The following CLEC4C variants were observed in gnomAD, a reference collection of about 807,000 sequenced individuals.
CLEC4C encodes C-type lectin domain family 4 member C.
CLEC4C carries 17 observed loss-of-function variants against 27.7 expected under a neutral mutation model. The observed-to-expected ratio is 0.61, with a 90% CI of 0.42 to 0.92. The LOEUF is 0.92. Among genes scored for constraint, CLEC4C ranks in the 40% least tolerant of loss-of-function variants. The pLI is 0.00. For missense variants in CLEC4C, 244 were observed against 257.3 expected (o/e 0.95, Z 0.35); for synonymous variants, 80 against 80.8 (o/e 0.99, Z 0.06).
In CLEC4C at chr12:7,729,746, A is replaced by G. The variant is rs147778205; in HGVS notation, c.498-6T>C. 6.2e-7 allele frequency: 1 copy of G among 1,613,510 alleles called. No homozygotes were observed. The highest frequency in any genetic ancestry group is 8.5e-7 in the Non-Finnish European group (1 of 1,179,602). On this transcript the variant is annotated splice_region_variant and splice_polypyrimidine_tract_variant and intron_variant, in intron 5 of 5. Coordinates refer to ENST00000360345, the MANE Select transcript of CLEC4C (RefSeq NM_001371390.1). ...GTTCACCTGAGTGCCAGAATCTGAA[A>G]GGTAGATAAAGGACAGTGGTGTTTT...
At chr12:7,738,967 C>CTG (rs1864791336) in intron 3 of CLEC4C, among the ~76,000 whole-genome samples, 1 of 140,346 alleles carries the variant, frequency 7.1e-6, no homozygotes, top group Non-Finnish European at 1.5e-5. Context: ...CCCCCCTCCC[C>CTG]ACCCCACAAC....
intron 2 of CLEC4C, among the ~76,000 whole-genome samples, chr12:7,742,128 C>T (rs940797088): frequency 1.3e-5 from 2 of 150,836 alleles, no homozygotes; most frequent in Non-Finnish European, 3.0e-5. Flanking sequence ...TGCAGTGAGC[C>T]GAGATCGTGC....
upstream of CLEC4C, among the ~76,000 whole-genome samples, chr12:7,748,328 C>G (rs750000619): frequency 6.6e-6 from 1 of 152,072 alleles, no homozygotes; most frequent in Admixed American, 6.6e-5. Flanking sequence ...GAGATCGAGA[C>G]CATCCTGGCC....
Position 7,741,498 on chromosome 12 carries a change from T to C in CLEC4C, c.158A>G (p.Lys53Arg). The C allele has an allele frequency of 6.2e-7, 1 of 1,611,184 alleles. No homozygotes were observed. Among genetic ancestry groups the C allele is most frequent in the African/African-American group, 1.3e-5 (1 of 74,994 alleles). Residue 53 changes from lysine (K) to arginine (R), a missense_variant, in exon 3 of 6, where the codon AAG becomes AGG. Transcript: ENST00000360345. Reference sequence around the variant, plus strand: ...ATACTCTCGTAACTTGGACAGCCTCTTGACAGTTTTGCTATACATAAAATT... The same window carrying C: ...ATACTCTCGTAACTTGGACAGCCTCCTGACAGTTTTGCTATACATAAAATT... ...PHNFMYSKTVKRLSKLREYQQ... is the reference protein window; with the variant it reads ...PHNFMYSKTVRRLSKLREYQQ...
intron 2 of CLEC4C, among the ~76,000 whole-genome samples, chr12:7,743,518 G>A (rs2120430404): frequency 6.6e-6 from 1 of 151,872 alleles, no homozygotes; most frequent in African/African-American, 2.4e-5. Context: ...CTGAGTAGCT[G>A]GCACTACAGG....
chr12:7,743,045 AACAT>A (rs1463216512), intron 2 of CLEC4C, among the ~76,000 whole-genome samples: 2 of 152,146 alleles, frequency 1.3e-5, no homozygotes, highest in African/African-American at 4.8e-5. Flanking sequence ...CCCCTACAAT[AACAT>A]ACAGTCTAGT....
At chr12:7,739,094 T>C (rs370349792) in intron 3 of CLEC4C, among the ~76,000 whole-genome samples, 21 of 151,918 alleles carry the variant, frequency 1.4e-4, no homozygotes, top group African/African-American at 4.1e-4. Flanking sequence ...AGTTTTTCCC[T>C]ATAAGTAAAG....
At chr12:7,735,222 T>C (rs1203187306) in intron 4 of CLEC4C, among the ~76,000 whole-genome samples, 1 of 147,342 alleles carries the variant, frequency 6.8e-6, no homozygotes, top group African/African-American at 2.5e-5. Flanking sequence ...AAAAAGAAGA[T>C]CTGGGCACAG....
intron 2 of CLEC4C, among the ~76,000 whole-genome samples, chr12:7,742,074 A>C (rs1864868885): frequency 6.6e-6 from 1 of 151,606 alleles, no homozygotes; most frequent in Admixed American, 6.6e-5. Context: ...CAGTTACTCA[A>C]GAGGCTGAGG....
At chr12:7,733,481 C>CTT (rs762051121) in intron 4 of CLEC4C, among the ~76,000 whole-genome samples, 27,809 of 119,620 alleles carry the variant, frequency 0.23, 4,057 homozygotes, top group East Asian at 0.36. Context: ...CCAAGCTGGT[C>CTT]TTTTTTTTTT....
intron 5 of CLEC4C, 55 bp from the exon 6 acceptor site, chr12:7,729,795 A>G (rs1269143980): frequency 6.6e-7 from 1 of 1,520,026 alleles, no homozygotes; most frequent in Non-Finnish European, 9.1e-7. Flanking sequence ...GGAAAAGGTT[A>G]GAGACTGGGA....
intron 2 of CLEC4C, 42 bp downstream of exon 2, chr12:7,746,289 G>T: frequency 8.9e-7 from 1 of 1,120,974 alleles, no homozygotes. Context: ...ATGTGATTGG[G>T]AAAAGGACCA....
intron 3 of CLEC4C, among the ~76,000 whole-genome samples, chr12:7,738,322 T>C (rs1051529154): frequency 6.6e-6 from 1 of 152,142 alleles, no homozygotes; most frequent in Non-Finnish European, 1.5e-5. Flanking sequence ...ACATAATACA[T>C]GCAAAACACT....
chr12:7,731,986 T>TA (rs1456656803), intron 4 of CLEC4C, among the ~76,000 whole-genome samples: 1 of 152,016 alleles, frequency 6.6e-6, no homozygotes, highest in Admixed American at 6.6e-5. Flanking sequence ...TGCCCAAAAA[T>TA]AAAAAACAAC....
At chr12:7,733,728 G>A (rs1370491971) in intron 4 of CLEC4C, among the ~76,000 whole-genome samples, 2 of 151,864 alleles carry the variant, frequency 1.3e-5, no homozygotes, top group Non-Finnish European at 1.5e-5. Context: ...TGATCCAGCT[G>A]CCTCAGCCTC....
chr12:7,738,282 TCTCA>T (rs1362325195), intron 3 of CLEC4C, among the ~76,000 whole-genome samples: 1 of 152,132 alleles, frequency 6.6e-6, no homozygotes, highest in Non-Finnish European at 1.5e-5. Flanking sequence ...TGGGAATATT[TCTCA>T]CTCAGAATGT....
At chr12:7,731,648 G>T (rs887892869) in intron 4 of CLEC4C, among the ~76,000 whole-genome samples, 2 of 152,166 alleles carry the variant, frequency 1.3e-5, no homozygotes, top group Non-Finnish European at 1.5e-5. Flanking sequence ...CTGGATCAAA[G>T]ACATCACTTG....
intron 1 of CLEC4C, 143 bp downstream of exon 1, chr12:7,747,175 A>G (rs1865002008): frequency 5.0e-6 from 4 of 798,042 alleles, no homozygotes; most frequent in Non-Finnish European, 6.5e-6. Flanking sequence ...TTGGGTCCAT[A>G]CCTGTTTCCA....
intron 2 of CLEC4C, among the ~76,000 whole-genome samples, chr12:7,744,886 A>G (rs1315965485): frequency 1.3e-5 from 2 of 152,156 alleles, no homozygotes; most frequent in Non-Finnish European, 2.9e-5. Context: ...AAGTGCTCAC[A>G]GGTGTGAGCC....
Sources: allele counts gnomAD v4.1 joint callset (sites outside exome capture counted in the v4.1 genomes callset), GRCh38; gene constraint gnomAD v4.1.1; transcripts MANE v1.5; gene names NCBI Gene and HGNC (gene_info 2026-07-23, HGNC 2026-07-21).